CSMD1: variants seen among roughly 807,000 people sequenced by gnomAD.
The protein encoded by CSMD1 is CUB and Sushi multiple domains 1.
In CSMD1, 213 loss-of-function variants were observed where a neutral mutation model predicts 417.5. The ratio of observed to expected loss-of-function variants is 0.51; its 90% CI spans 0.46 to 0.57. CSMD1 has a LOEUF of 0.57. CSMD1 is among the 20% of genes least tolerant of loss of function. CSMD1 has a pLI of 0.00. For missense variants in CSMD1, 6,923 were observed against 4,529.7 expected, an observed-to-expected ratio of 1.53 and a Z score of -15.17; for synonymous variants, 2,862 against 1,736.8, an observed-to-expected ratio of 1.65 and a Z score of -16.11.
chr8:3,772,961 G>A (rs558468026), intron 5 of CSMD1, among the ~76,000 whole-genome samples: 2 of 152,148 alleles, frequency 1.3e-5, no homozygotes, highest in East Asian at 3.9e-4. Flanking sequence ...CACTATCAAG[G>A]TGCCAGTGGA....
chr8:3,831,756 G>A (rs773616885), intron 5 of CSMD1, among the ~76,000 whole-genome samples: 1 of 152,152 alleles, frequency 6.6e-6, no homozygotes, highest in South Asian at 2.1e-4. Flanking sequence ...CGGATGGGTA[G>A]CACAACACAT....
chr8:4,313,644 A>G (rs1420692620), intron 3 of CSMD1, among the ~76,000 whole-genome samples: 1 of 152,170 alleles, frequency 6.6e-6, no homozygotes, highest in East Asian at 1.9e-4. Flanking sequence ...ACATCAACAC[A>G]TGTAAATTCA....
chr8:4,244,980 T>C (rs1802617556), intron 3 of CSMD1, among the ~76,000 whole-genome samples: 1 of 151,778 alleles, frequency 6.6e-6, no homozygotes, highest in Non-Finnish European at 1.5e-5. Context: ...AAGCCTGGAG[T>C]GGAAGTAAAT....
At chr8:3,644,075 G>C (rs1797451075) in intron 7 of CSMD1, among the ~76,000 whole-genome samples, 2 of 152,152 alleles carry the variant, frequency 1.3e-5, no homozygotes, top group African/African-American at 4.8e-5. Context: ...CTTTAAGAAA[G>C]TGCTCCAGGG....
At chr8:2,998,496 TG>T (rs1178178298) in intron 53 of CSMD1, among the ~76,000 whole-genome samples, 1 of 152,178 alleles carries the variant, frequency 6.6e-6, no homozygotes, top group Admixed American at 6.5e-5. Context: ...AACGAAGCAG[TG>T]AAAAACAAGA....
chr8:3,941,666 C>A (rs1357928884), intron 5 of CSMD1, among the ~76,000 whole-genome samples: 1 of 152,124 alleles, frequency 6.6e-6, no homozygotes, highest in South Asian at 2.1e-4. Context: ...TGCAAGCCCA[C>A]GCAGAGTTTG....
At chr8:4,078,642 G>C (rs1799957477) in intron 3 of CSMD1, among the ~76,000 whole-genome samples, 1 of 149,912 alleles carries the variant, frequency 6.7e-6, no homozygotes, top group South Asian at 2.1e-4. Context: ...TATTTCACAT[G>C]TATTTCTAAC....
rs575376021 is a variant in CSMD1, at chr8:3,896,896, G to A, written c.818+101007C>T. 2.0e-5 allele frequency among the ~76,000 whole-genome samples: 3 copies of A among 152,046 alleles called. No homozygotes were observed. In the South Asian group the frequency reaches 6.2e-4, roughly 32 times the overall value. On this transcript the variant is annotated intron_variant, in intron 5 of 69. Coordinates refer to ENST00000635120, the MANE Select transcript of CSMD1 (RefSeq NM_033225.6). ...TGTCTATCACCTAATTCTATTTGAT[G>A]TTTGGTTCTCCAATAACAACCTCTA...
chr8:4,218,628 C>T (rs1456755813), intron 3 of CSMD1, among the ~76,000 whole-genome samples: 4 of 152,090 alleles, frequency 2.6e-5, no homozygotes, highest in African/African-American at 7.2e-5. Flanking sequence ...TATACTGTTT[C>T]ATACCGACAG....
At chr8:3,977,067 T>C (rs573199500) in intron 5 of CSMD1, among the ~76,000 whole-genome samples, 1 of 152,160 alleles carries the variant, frequency 6.6e-6, no homozygotes, top group Non-Finnish European at 1.5e-5. Flanking sequence ...GAATTTCTTT[T>C]TCCATTTAGA....
At chr8:3,748,046 G>A (rs1286233741) in intron 6 of CSMD1, among the ~76,000 whole-genome samples, 7 of 152,082 alleles carry the variant, frequency 4.6e-5, no homozygotes, top group Non-Finnish European at 4.4e-5. Context: ...GGTAGAAGGG[G>A]TACTGGCTAA....
intron 26 of CSMD1, among the ~76,000 whole-genome samples, chr8:3,267,241 C>G (rs976545050): frequency 1.8e-4 from 27 of 152,138 alleles, no homozygotes; most frequent in Non-Finnish European, 4.4e-5. Flanking sequence ...TGCTAGCTTG[C>G]ATGACCGTTG....
At chr8:3,623,070 G>A (rs1268071856) in intron 7 of CSMD1, among the ~76,000 whole-genome samples, 1 of 152,084 alleles carries the variant, frequency 6.6e-6, no homozygotes, top group Admixed American at 6.5e-5. Context: ...CAATAGATTG[G>A]TTCATTACAC....
Position 2,946,341 on chromosome 8 carries a change from T to C in CSMD1, c.10402+2958A>G, listed in dbSNP as rs190235196. Among the ~76,000 whole-genome samples, 435 of 152,318 alleles carry C rather than the reference T, an allele frequency of 2.9e-3. 3 individuals carry two copies. The highest frequency in any genetic ancestry group is 0.019 in the East Asian group (97 of 5,174). ...CACCACCGTAGTCTCACTTAGAAGA[T>C]TGGTGTCCCTCCAAAAGAATCTCAG... On this transcript the variant is annotated intron_variant, in intron 68 of 69. Coordinates refer to ENST00000635120, the MANE Select transcript of CSMD1 (RefSeq NM_033225.6).
intron 5 of CSMD1, among the ~76,000 whole-genome samples, chr8:3,944,650 T>A (rs531390136): frequency 6.6e-6 from 1 of 152,190 alleles, no homozygotes; most frequent in African/African-American, 2.4e-5. Context: ...AACTGGTGGA[T>A]TCATTTTTGG....
chr8:4,379,639 T>C (rs1188940818), intron 3 of CSMD1, among the ~76,000 whole-genome samples: 1 of 152,220 alleles, frequency 6.6e-6, no homozygotes, highest in African/African-American at 2.4e-5. Flanking sequence ...AACACCAAAA[T>C]GAGTCTGCTG....
intron 3 of CSMD1, among the ~76,000 whole-genome samples, chr8:4,056,076 TCC>T (rs1798674497): frequency 1.0e-5 from 1 of 96,796 alleles, no homozygotes; most frequent in Non-Finnish European, 2.0e-5. Context: ...ATTGGTGGCT[TCC>T]TTTTTTTTTT....
At chr8:4,416,669 G>C (rs1358402748) in intron 3 of CSMD1, among the ~76,000 whole-genome samples, 1 of 151,958 alleles carries the variant, frequency 6.6e-6, no homozygotes, top group Non-Finnish European at 1.5e-5. Flanking sequence ...GCTCTTTGGG[G>C]AACAATTTTT....
intron 3 of CSMD1, among the ~76,000 whole-genome samples, chr8:4,358,601 T>G (rs116504724): frequency 2.0e-5 from 3 of 152,208 alleles, no homozygotes; most frequent in African/African-American, 7.2e-5. Context: ...GTGCTGAAAG[T>G]AATAGTCTAA....
Sources: gnomAD v4.1 joint callset for allele counts (sites outside exome capture counted in the v4.1 genomes callset) on GRCh38, gnomAD v4.1.1 for gene constraint, MANE v1.5 for transcripts, NCBI Gene and HGNC (gene_info 2026-07-23, HGNC 2026-07-21) for gene names.